The following BNC2 variants were observed in gnomAD, a reference collection of about 807,000 sequenced individuals.
The protein encoded by BNC2 is zinc finger protein basonuclin-2.
BNC2 carries 20 observed loss-of-function variants against 76.3 expected under a neutral mutation model. That is an observed-to-expected ratio of 0.26 (90% confidence interval 0.18 to 0.38). The LOEUF (loss-of-function observed/expected upper bound fraction) is 0.38, where lower values mean the gene tolerates loss of function less well. Among genes scored for constraint, BNC2 ranks in the 10% least tolerant of loss-of-function variants. The pLI is 1.00. For missense variants in BNC2, 1,382 were observed against 1,399.8 expected, an observed-to-expected ratio of 0.99 and a Z score of 0.20; for synonymous variants, 582 against 514.8, an observed-to-expected ratio of 1.13 and a Z score of -1.77.
chr9:16,645,247 T>C (rs1021696864), intron 3 of BNC2, among the ~76,000 whole-genome samples: 6 of 152,182 alleles, frequency 3.9e-5, no homozygotes, highest in African/African-American at 1.4e-4. Flanking sequence ...TAACTCTATA[T>C]TGCTGTGGAA....
In BNC2 at chr9:16,792,725, T is replaced by C. The variant is rs373759331; in HGVS notation, c.4-54240A>G. Among the ~76,000 whole-genome samples, 21 of 152,276 alleles carry C rather than the reference T, an allele frequency of 1.4e-4. No homozygotes were observed. The East Asian group carries it at 3.5e-3, about 25-fold the overall frequency. ...AGAATTCGTATTTATCATAAGCGTA[T>C]AAAAAAGCTAGAGTGCTATAAAAAC... On this transcript the variant is annotated intron_variant, in intron 1 of 6. Transcript: ENST00000380672.
chr9:16,788,140 T>A (rs572184156), intron 1 of BNC2, among the ~76,000 whole-genome samples: 1 of 152,334 alleles, frequency 6.6e-6, no homozygotes, highest in East Asian at 1.9e-4. Flanking sequence ...CTGAACTCTC[T>A]GACTTCCAGT....
chr9:16,621,399 G>A (rs184643210), intron 3 of BNC2, among the ~76,000 whole-genome samples: 5 of 152,232 alleles, frequency 3.3e-5, no homozygotes, highest in Admixed American at 2.6e-4. Context: ...GCTTCACAGG[G>A]AGTAAAGTGA....
At chr9:16,731,256 C>A (rs1824496054) in intron 2 of BNC2, among the ~76,000 whole-genome samples, 1 of 152,132 alleles carries the variant, frequency 6.6e-6, no homozygotes, top group South Asian at 2.1e-4. Flanking sequence ...AGTATCACTT[C>A]CACAATAATT....
intron 1 of BNC2, among the ~76,000 whole-genome samples, chr9:16,765,553 A>G (rs1166222522): frequency 1.3e-5 from 2 of 152,190 alleles, no homozygotes; most frequent in East Asian, 3.8e-4. Context: ...AAGCTGAAAT[A>G]TGTTAGGTAA....
At chr9:16,674,071 T>C (rs1367736362) in intron 3 of BNC2, among the ~76,000 whole-genome samples, 2 of 152,248 alleles carry the variant, frequency 1.3e-5, no homozygotes, top group Non-Finnish European at 2.9e-5. Context: ...CGGACTAATA[T>C]TCCACTCAAA....
intron 3 of BNC2, among the ~76,000 whole-genome samples, chr9:16,677,129 G>C (rs911631103): frequency 2.0e-5 from 3 of 152,140 alleles, no homozygotes; most frequent in African/African-American, 7.2e-5. Context: ...GCTAGTAAAA[G>C]TAATTTACAC....
intron 3 of BNC2, among the ~76,000 whole-genome samples, chr9:16,704,211 T>C (rs760563378): frequency 1.3e-5 from 2 of 152,206 alleles, no homozygotes; most frequent in African/African-American, 4.8e-5. Flanking sequence ...TCAAATGTTA[T>C]ATGTAATGCA....
chr9:16,789,137 T>C (rs1394257380), intron 1 of BNC2, among the ~76,000 whole-genome samples: 3 of 152,154 alleles, frequency 2.0e-5, no homozygotes, highest in Admixed American at 6.5e-5. Flanking sequence ...AAGCACTACA[T>C]ACTGCATGAG....
chr9:16,752,015 C>T (rs1374778692), intron 1 of BNC2, among the ~76,000 whole-genome samples: 1 of 152,010 alleles, frequency 6.6e-6, no homozygotes. Context: ...GACAACAGAG[C>T]AAGACTCTAA....
chr9:16,759,175 T>C (rs902007192), intron 1 of BNC2, among the ~76,000 whole-genome samples: 2 of 152,174 alleles, frequency 1.3e-5, no homozygotes, highest in African/African-American at 4.8e-5. Context: ...CACACTTCTA[T>C]AATAAGAAAG....
chr9:16,437,044 T>C lies in BNC2; in HGVS notation c.1150A>G (p.Arg384Gly), dbSNP rs1821031693. Residue 384 changes from arginine (R) to glycine (G), a missense_variant, in exon 6 of 7, where the codon AGA (arginine) becomes GGA (glycine). Transcript: ENST00000380672. ...TTAGTAATGCTGGTCAGGGCATTTC[T>C]ATTGGGTGTTTGATCATTCTTATAA... ...TPYKNDQTPN[R>G]NALTSITNVE... 6.2e-7 allele frequency: 1 copy of C among 1,614,144 alleles called. No homozygotes were observed. The highest frequency in any genetic ancestry group is 1.7e-5 in the Admixed American group (1 of 60,012).
At chr9:16,715,331 A>G (rs1823968215) in intron 3 of BNC2, among the ~76,000 whole-genome samples, 1 of 152,240 alleles carries the variant, frequency 6.6e-6, no homozygotes, top group African/African-American at 2.4e-5. Context: ...CAAAACTATC[A>G]GCACCAGAAA....
intron 1 of BNC2, among the ~76,000 whole-genome samples, chr9:16,806,453 A>C (rs2135800052): frequency 1.3e-5 from 2 of 152,342 alleles, no homozygotes; most frequent in Middle Eastern, 3.4e-3. Flanking sequence ...TTCACTTGGA[A>C]CATAATGATA....
In BNC2 at chr9:16,708,227, A is replaced by G. The variant is rs557853068; in HGVS notation, c.330+19570T>C. On this transcript the variant is annotated intron_variant, in intron 3 of 6. Transcript: ENST00000380672. ...TCTGTGATAACCAGCCGTGATTTCC[A>G]TTTTCCTTGAGCCAAAAGAAAACTT... is the stretch of plus-strand genomic sequence containing the variant. Among the ~76,000 whole-genome samples the G allele has an allele frequency of 2.6e-5, 4 of 152,282 alleles. No individual in the cohort carries two copies. The South Asian group carries it at 8.3e-4, about 32-fold the overall frequency.
intron 5 of BNC2, among the ~76,000 whole-genome samples, chr9:16,526,531 C>T (rs1181431541): frequency 7.6e-6 from 1 of 131,180 alleles, no homozygotes; most frequent in African/African-American, 2.9e-5. Flanking sequence ...ATTTCCTGAG[C>T]CACGTCTGAA....
At chr9:16,633,086 T>C (rs1821213068) in intron 3 of BNC2, among the ~76,000 whole-genome samples, 1 of 152,246 alleles carries the variant, frequency 6.6e-6, no homozygotes, top group Non-Finnish European at 1.5e-5. Flanking sequence ...AATTGGAGTC[T>C]GTTTTAGATG....
intron 3 of BNC2, among the ~76,000 whole-genome samples, chr9:16,661,942 C>T (rs1046409886): frequency 3.3e-5 from 5 of 152,288 alleles, no homozygotes; most frequent in East Asian, 3.9e-4. Flanking sequence ...AGTGACAGAG[C>T]AGGTCTAAGC....
chr9:16,655,547 T>C (rs968696379), intron 3 of BNC2, among the ~76,000 whole-genome samples: 2 of 152,022 alleles, frequency 1.3e-5, no homozygotes, highest in African/African-American at 4.8e-5. Context: ...CATCCAGGAA[T>C]AAAAAAAGTC....
Sources: gnomAD v4.1 joint callset for allele counts (sites outside exome capture counted in the v4.1 genomes callset) on GRCh38, gnomAD v4.1.1 for gene constraint, MANE v1.5 for transcripts, NCBI Gene and HGNC (gene_info 2026-07-23, HGNC 2026-07-21) for gene names.